Variants in DCLK1 observed in about 807,000 individuals in gnomAD.
DCLK1 encodes serine/threonine-protein kinase DCLK1.
A neutral mutation model predicts 86.2 loss-of-function variants in DCLK1; 16 were observed. The observed-to-expected ratio is 0.19, with a 90% confidence interval of 0.13 to 0.28. The LOEUF (loss-of-function observed/expected upper bound fraction) is 0.28, where lower values mean the gene tolerates loss of function less well. Among genes scored for constraint, DCLK1 ranks in the 10% least tolerant of loss-of-function variants. The pLI, the probability that DCLK1 is intolerant of heterozygous loss-of-function variation, is 1.00. For missense variants in DCLK1, 590 were observed against 940.2 expected, an observed-to-expected ratio of 0.63 and a Z score of 4.87; for synonymous variants, 369 against 370.5, an observed-to-expected ratio of 1.00 and a Z score of 0.05.
chr13:36,054,495 G>C (rs1883230403), intron 3 of DCLK1, among the ~76,000 whole-genome samples: 1 of 152,156 alleles, frequency 6.6e-6, no homozygotes. Context: ...ACTAAACACT[G>C]AGTTGAGAAA....
intron 3 of DCLK1, among the ~76,000 whole-genome samples, chr13:36,027,591 A>G (rs987721225): frequency 9.9e-5 from 15 of 152,218 alleles, no homozygotes; most frequent in African/African-American, 3.6e-4. Flanking sequence ...CTGATCCTCC[A>G]AGATAATTAC....
intron 4 of DCLK1, among the ~76,000 whole-genome samples, chr13:35,900,242 CTTT>C (rs71081294): frequency 7.1e-6 from 1 of 141,830 alleles, no homozygotes; most frequent in African/African-American, 2.6e-5. Context: ...ACTAAATAAA[CTTT>C]TTTTTTTTTT....
intron 4 of DCLK1, among the ~76,000 whole-genome samples, chr13:35,899,263 G>GC (rs1165148809): frequency 1.3e-5 from 2 of 151,786 alleles, no homozygotes; most frequent in Admixed American, 6.6e-5. Flanking sequence ...ATGTTCCCAA[G>GC]CCCCAGGATA....
chr13:36,058,609 A>G (rs181356587), intron 3 of DCLK1, among the ~76,000 whole-genome samples: 168 of 152,294 alleles, frequency 1.1e-3, no homozygotes, highest in Admixed American at 5.8e-3. Flanking sequence ...GGCAGCCAGG[A>G]AAGATGTAAA....
chr13:35,846,607 T>G (rs1729770548), intron 6 of DCLK1: 1 of 985,210 alleles, frequency 1.0e-6, no homozygotes. Context: ...TTACAAATAT[T>G]TTTCAACTGA....
In DCLK1 at chr13:36,095,171, T is replaced by G. The variant is rs370127250; in HGVS notation, c.723+16698A>C. Reference sequence around the variant, plus strand: ...CTGATATCTCTCTATCTCTCTCTCTTTGTTTTTTTTTTTTGTTTTTTTTGT... The same window carrying G: ...CTGATATCTCTCTATCTCTCTCTCTGTGTTTTTTTTTTTTGTTTTTTTTGT... On this transcript the variant is annotated intron_variant, in intron 3 of 16. Coordinates refer to ENST00000360631, the MANE Select transcript of DCLK1 (RefSeq NM_001330071.2). Among the ~76,000 whole-genome samples the G allele has an allele frequency of 1.6e-3, 197 of 120,564 alleles. 1 individual carries two copies. In the East Asian group the frequency reaches 0.019, roughly 11 times the overall value. 79.1% of individuals were successfully genotyped at this position (120,564 alleles called of 152,430 possible).
At chr13:36,027,537 G>A (rs565612501) in intron 3 of DCLK1, among the ~76,000 whole-genome samples, 25 of 152,200 alleles carry the variant, frequency 1.6e-4, no homozygotes, top group East Asian at 7.7e-4. Context: ...TGAATAAATC[G>A]AATAGCTTCA....
At position 35,820,638 on chromosome 13, in the gene DCLK1, G is replaced by A. The variant is rs2087372664; in HGVS notation, c.1554+2091C>T. On this transcript the variant is annotated intron_variant, in intron 11 of 16. Coordinates refer to ENST00000360631, the MANE Select transcript of DCLK1 (RefSeq NM_001330071.2). ...TTTAATTTTCAGTCGCTGAAGTTTG[G>A]GAGCTTAGAGAAGTTTTTAAACAAA... 3.3e-5 allele frequency among the ~76,000 whole-genome samples: 5 copies of A among 152,260 alleles called. No individual in the cohort carries two copies. In the South Asian group the frequency reaches 1.0e-3, roughly 32 times the overall value.
intron 16 of DCLK1, among the ~76,000 whole-genome samples, chr13:35,792,798 T>C (rs2086731511): frequency 6.6e-6 from 1 of 152,204 alleles, no homozygotes; most frequent in Non-Finnish European, 1.5e-5. Context: ...ATCAATAAAA[T>C]AGTAAATGTT....
chr13:35,964,779 T>TG (rs1878639319), intron 3 of DCLK1, among the ~76,000 whole-genome samples: 2 of 130,722 alleles, frequency 1.5e-5, no homozygotes, highest in Non-Finnish European at 1.6e-5. Context: ...TTAAAATGGT[T>TG]GGAAAAAAAA....
At position 36,057,884 on chromosome 13, in the gene DCLK1, C is replaced by T. The variant is rs530305439; in HGVS notation, c.723+53985G>A. 2.5e-4 allele frequency among the ~76,000 whole-genome samples: 38 copies of T among 152,232 alleles called. No homozygotes were observed. In the South Asian group the frequency reaches 7.7e-3, roughly 31 times the overall value. On this transcript the variant is annotated intron_variant, in intron 3 of 16. Coordinates refer to ENST00000360631, the MANE Select transcript of DCLK1 (RefSeq NM_001330071.2). ...TGAATGCTTGTCTATTAAACATATG[C>T]TTCTGGGACAAAGACCACACAGAAT...
At chr13:35,935,075 G>A (rs1363078685) in intron 4 of DCLK1, among the ~76,000 whole-genome samples, 1 of 152,136 alleles carries the variant, frequency 6.6e-6, no homozygotes, top group Non-Finnish European at 1.5e-5. Context: ...AGTTTGGTGG[G>A]TGAGGAAGGA....
At chr13:36,077,133 G>A (rs1464088586) in intron 3 of DCLK1, among the ~76,000 whole-genome samples, 1 of 152,262 alleles carries the variant, frequency 6.6e-6, no homozygotes, top group South Asian at 2.1e-4. Context: ...ACCCAGTGGG[G>A]TAATCACTCT....
At chr13:35,800,631 C>T (rs2086899702) in intron 15 of DCLK1, among the ~76,000 whole-genome samples, 1 of 152,178 alleles carries the variant, frequency 6.6e-6, no homozygotes, top group Non-Finnish European at 1.5e-5. Context: ...AAACAAGTGA[C>T]TTTTGCGGAG....
chr13:35,918,194 T>G (rs1183498730), intron 4 of DCLK1, among the ~76,000 whole-genome samples: 1 of 152,222 alleles, frequency 6.6e-6, no homozygotes, highest in Non-Finnish European at 1.5e-5. Context: ...TAAAATGCAT[T>G]AGAGAGTAAA....
chr13:35,871,160 C>A (rs564219118), intron 5 of DCLK1, 64 bp downstream of exon 5: 5 of 1,354,738 alleles, frequency 3.7e-6, no homozygotes, highest in Non-Finnish European at 5.2e-6. Context: ...AGGCTTCACA[C>A]ACCCTCTGCT....
intron 3 of DCLK1, among the ~76,000 whole-genome samples, chr13:36,081,783 G>C (rs1292111738): frequency 6.6e-6 from 1 of 152,156 alleles, no homozygotes; most frequent in Non-Finnish European, 1.5e-5. Context: ...TTCAACTTAA[G>C]TAGAAAAATT....
intron 8 of DCLK1, 140 bp from the exon 9 acceptor site, chr13:35,828,447 T>A (rs576003838): frequency 2.1e-4 from 147 of 689,294 alleles, no homozygotes; most frequent in East Asian, 1.1e-3. Context: ...TTTCCTTTTT[T>A]AAAAAAAAAC....
At chr13:35,803,420 T>C (rs1378358286) in intron 15 of DCLK1, among the ~76,000 whole-genome samples, 4 of 152,202 alleles carry the variant, frequency 2.6e-5, no homozygotes, top group African/African-American at 9.6e-5. Context: ...GGGATTACTA[T>C]TTTTGCATGT....
Sources: gnomAD v4.1 joint callset for allele counts (sites outside exome capture counted in the v4.1 genomes callset) on GRCh38, gnomAD v4.1.1 for gene constraint, MANE v1.5 for transcripts, NCBI Gene and HGNC (gene_info 2026-07-23, HGNC 2026-07-21) for gene names.